EXD3: variants seen among roughly 807,000 people sequenced by gnomAD.
The protein encoded by EXD3 is exonuclease 3'-5' domain containing 3.
A neutral mutation model predicts 98.0 loss-of-function variants in EXD3; 92 were observed. The observed-to-expected ratio is 0.94, with a 90% confidence interval of 0.79 to 1.12. The LOEUF (loss-of-function observed/expected upper bound fraction) is 1.12. EXD3 is among the 50% of genes most tolerant of loss of function. The pLI, the probability that EXD3 is intolerant of heterozygous loss-of-function variation, is 0.00. For synonymous variants in EXD3, 569 were observed against 526.0 expected, an observed-to-expected ratio of 1.08 and a Z score of -1.12; for missense variants, 1,222 against 1,191.6, an observed-to-expected ratio of 1.03 and a Z score of -0.38.
chr9:137,394,574 G>A (rs1471223875), intron 2 of EXD3, among the ~76,000 whole-genome samples: 1 of 151,968 alleles, frequency 6.6e-6, no homozygotes, highest in East Asian at 1.9e-4. Context: ...CGGCCTTCCA[G>A]CCTCCGCTTC....
intron 19 of EXD3, among the ~76,000 whole-genome samples, chr9:137,321,731 C>G (rs957544707): frequency 3.9e-5 from 6 of 152,146 alleles, no homozygotes; most frequent in Non-Finnish European, 7.4e-5. Context: ...GGAGCAGCCC[C>G]GACCTGCTGC....
chr9:137,414,886 C>T (rs1838164285), intron 1 of EXD3, among the ~76,000 whole-genome samples: 1 of 152,138 alleles, frequency 6.6e-6, no homozygotes, highest in African/African-American at 2.4e-5. Context: ...GAGATGGAGT[C>T]TCGCTCTGTT....
At chr9:137,392,948 A>G (rs1588413597) in intron 2 of EXD3, 1 of 535,736 alleles carries the variant, frequency 1.9e-6, no homozygotes, top group South Asian at 1.9e-5. Flanking sequence ...GAGGGCCATT[A>G]GTGTTCCAGG....
chr9:137,421,520 G>C (rs1395360065), intron 1 of EXD3, among the ~76,000 whole-genome samples: 1 of 152,174 alleles, frequency 6.6e-6, no homozygotes, highest in Non-Finnish European at 1.5e-5. Context: ...ACTAAATCCT[G>C]AACAATCTTC....
Position 137,395,237 on chromosome 9 carries a change from C to T in EXD3, c.55+66G>A, listed in dbSNP as rs1288512927. On this transcript the variant is annotated intron_variant, in intron 2 of 21. Coordinates refer to ENST00000340951, the MANE Select transcript of EXD3 (RefSeq NM_017820.5). This position sits in a 1 kb window ranked among gnomAD's most constrained non-coding sequence, Gnocchi z 6.5. The stretch of plus-strand genomic sequence containing the variant: ...GTACACAGTGGGCGCCACCACCCCC[C>T]ATGCACACCCACGCACCTCCCCCCA... 1 of 1,407,584 alleles carries T rather than the reference C, an allele frequency of 7.1e-7. No homozygotes were observed. Among genetic ancestry groups the T allele is most frequent in the Non-Finnish European group, 1.0e-6 (1 of 993,730 alleles). The allele number at this position is 1,407,584 out of a possible 1,614,324, so 87.2% of individuals were successfully genotyped here.
chr9:137,400,499 C>A (rs1460649276), intron 1 of EXD3, among the ~76,000 whole-genome samples: 1 of 152,204 alleles, frequency 6.6e-6, no homozygotes, highest in African/African-American at 2.4e-5. Context: ...GGCATGGTGG[C>A]TCATTCTTAT....
chr9:137,396,709 G>A (rs1282177814), intron 1 of EXD3, among the ~76,000 whole-genome samples: 7 of 152,228 alleles, frequency 4.6e-5, no homozygotes, highest in Non-Finnish European at 8.8e-5. Context: ...GACAGAGGCC[G>A]TTCCCAGCCG....
rs1404173458 is a variant in EXD3, at chr9:137,385,420, C to T, written c.56-2043G>A. On this transcript the variant is annotated intron_variant, in intron 2 of 21. Coordinates refer to ENST00000340951, the MANE Select transcript of EXD3 (RefSeq NM_017820.5). The surrounding 1 kb of genome is among the most constrained non-coding windows in gnomAD (Gnocchi z 4.4). ...GGCGATGGGGCCAGGGTGGGCTGGG[C>T]GGGGCGTGCTGTGGTGTGTTCACGA... Among the ~76,000 whole-genome samples the T allele has an allele frequency of 4.3e-5, 6 of 140,388 alleles. No individual in the cohort carries two copies. Among genetic ancestry groups the T allele is most frequent in the East Asian group, 4.7e-4 (2 of 4,280 alleles). The allele number at this position is 140,388 out of a possible 152,430, so 92.1% of individuals were successfully genotyped here.
At chr9:137,355,664 GGAGAAAGGGAGGATGGAGGAAGGAGAAA>G (rs1834706091) in intron 8 of EXD3, among the ~76,000 whole-genome samples, 1 of 116,266 alleles carries the variant, frequency 8.6e-6, no homozygotes, top group African/African-American at 3.0e-5. Flanking sequence ...GAAGGAGGAA[GGAGAAAGGGAGGATGGAGGAAGGAGAAA>G]GGGAGGAAGG....
chr9:137,356,407 A>T, intron 7 of EXD3, 39 bp from the exon 8 acceptor site: 1 of 1,273,540 alleles, frequency 7.9e-7, no homozygotes, highest in South Asian at 1.3e-5. Context: ...TTGCTGTTTT[A>T]AGTTAATACA....
intron 17 of EXD3, among the ~76,000 whole-genome samples, chr9:137,335,439 G>A (rs1202290283): frequency 7.2e-5 from 11 of 152,090 alleles, no homozygotes; most frequent in Non-Finnish European, 5.9e-5. Flanking sequence ...CCAGCACTTT[G>A]GGAGGCCAAG....
At chr9:137,355,690 A>G (rs76419267) in intron 8 of EXD3, among the ~76,000 whole-genome samples, 883 of 22,764 alleles carry the variant, frequency 0.039, 6 homozygotes, top group East Asian at 0.088. Context: ...GAGGAAGGAG[A>G]AAGGGAGGAA....
chr9:137,354,240 C>T, intron 10 of EXD3, 99 bp downstream of exon 10: 1 of 1,537,920 alleles, frequency 6.5e-7, no homozygotes. Flanking sequence ...CAGCGAAGGC[C>T]TCAGCTCTGC....
intron 17 of EXD3, among the ~76,000 whole-genome samples, chr9:137,343,734 G>A (rs1368623628): frequency 6.7e-6 from 1 of 149,618 alleles, no homozygotes; most frequent in Admixed American, 6.7e-5. Context: ...GAATACAGAC[G>A]CCCGCCACCA....
intron 20 of EXD3, 107 bp downstream of exon 20, chr9:137,309,500 C>G (rs557492524): frequency 1.1e-6 from 1 of 901,108 alleles, no homozygotes; most frequent in East Asian, 2.7e-5. Flanking sequence ...CCACCCTTAT[C>G]TGAGGAAGCT....
intron 3 of EXD3, among the ~76,000 whole-genome samples, chr9:137,378,940 G>A (rs1446323680): frequency 1.0e-4 from 15 of 145,254 alleles, no homozygotes; most frequent in African/African-American, 3.7e-4. Flanking sequence ...GAGGGGTACG[G>A]GGTTTGTGGG....
rs530202845 is a variant in EXD3, at chr9:137,319,159, C to T, written c.2184+4566G>A. On this transcript the variant is annotated intron_variant, in intron 19 of 21. Transcript: ENST00000340951. ...CCAGGCCCCGTGGGCAGCTCCAGGG[C>T]GGAGGGCCGATCTCTCCTGCTGCGT... Among the ~76,000 whole-genome samples the T allele has an allele frequency of 1.8e-4, 27 of 152,344 alleles. 1 individual carries two copies. The South Asian group carries it at 5.6e-3, about 32-fold the overall frequency.
rs1837190006 is a variant in EXD3 at position 137,395,794 on chromosome 9, G to C, written c.-47-390C>G. On this transcript the variant is annotated intron_variant, in intron 1 of 21. Coordinates refer to ENST00000340951, the MANE Select transcript of EXD3 (RefSeq NM_017820.5). The surrounding 1 kb of genome is among the most constrained non-coding windows in gnomAD (Gnocchi z 6.5). Reference sequence around the variant, plus strand: ...TGCCCTGAGGGAGCCACATGGGAGAGAGGTGCTCTCCTCCAGAGGGCAAGG... The same window carrying C: ...TGCCCTGAGGGAGCCACATGGGAGACAGGTGCTCTCCTCCAGAGGGCAAGG... Among the ~76,000 whole-genome samples the C allele has an allele frequency of 6.6e-6, 1 of 152,116 alleles. No homozygotes were observed. The highest frequency in any genetic ancestry group is 2.4e-5 in the African/African-American group (1 of 41,432).
intron 1 of EXD3, among the ~76,000 whole-genome samples, chr9:137,402,679 C>T (rs371482363): frequency 2.2e-4 from 33 of 152,302 alleles, no homozygotes; most frequent in Middle Eastern, 3.4e-3. Context: ...AGTTCCAAGT[C>T]GCTTCCACAT....
Sources: allele counts gnomAD v4.1 joint callset (sites outside exome capture counted in the v4.1 genomes callset), GRCh38; gene constraint gnomAD v4.1.1; non-coding constraint Gnocchi (gnomAD v3.1); transcripts MANE v1.5; gene names NCBI Gene and HGNC (gene_info 2026-07-23, HGNC 2026-07-21).